The following SRGAP1 variants were observed in gnomAD, a reference collection of about 807,000 sequenced individuals.
The protein encoded by SRGAP1 is SLIT-ROBO Rho GTPase activating protein 1.
SRGAP1 carries 43 observed loss-of-function variants against 121.9 expected under a neutral mutation model. That is an observed-to-expected ratio of 0.35 (90% CI 0.28 to 0.46). The LOEUF (loss-of-function observed/expected upper bound fraction) is 0.46. SRGAP1 is among the 20% of genes least tolerant of loss of function. The pLI, the probability that SRGAP1 is intolerant of heterozygous loss-of-function variation, is 1.00. For synonymous variants in SRGAP1, 447 were observed against 485.4 expected (o/e 0.92, Z 1.04); for missense variants, 1,102 against 1,350.9 (o/e 0.82, Z 2.89).
At chr12:63,949,957 T>C (rs2032235702) in intron 1 of SRGAP1, among the ~76,000 whole-genome samples, 1 of 152,194 alleles carries the variant, frequency 6.6e-6, no homozygotes, top group African/African-American at 2.4e-5. Context: ...ATTTCATAAT[T>C]CTAGAAGAGT....
At chr12:63,857,306 C>T (rs534831987) in intron 1 of SRGAP1, among the ~76,000 whole-genome samples, 4 of 149,880 alleles carry the variant, frequency 2.7e-5, no homozygotes, top group Admixed American at 2.0e-4. Context: ...CTCGAACTCC[C>T]GACCTCAGAT....
intron 1 of SRGAP1, among the ~76,000 whole-genome samples, chr12:63,911,323 G>C (rs202059040): frequency 6.9e-6 from 1 of 145,340 alleles, no homozygotes; most frequent in African/African-American, 2.5e-5. Flanking sequence ...AAAAAGAAAA[G>C]AAAACACCTC....
At chr12:64,077,138 C>G (rs1312192673) in intron 8 of SRGAP1, among the ~76,000 whole-genome samples, 2 of 152,068 alleles carry the variant, frequency 1.3e-5, no homozygotes, top group African/African-American at 4.8e-5. Context: ...ATTTTTAAAG[C>G]AGCTGGAAAA....
chr12:64,148,864 G>A lies in SRGAP1; in HGVS notation c.*6192G>A, dbSNP rs1051308577. On this transcript the variant is annotated 3_prime_UTR_variant, in exon 22 of 22. Transcript: ENST00000355086. Reference sequence around the variant, plus strand: ...CATTATCAGCATCCCAGAAGCTACTGTGCTCATGCCTCTGTGAATGTATCA... The same window carrying A: ...CATTATCAGCATCCCAGAAGCTACTATGCTCATGCCTCTGTGAATGTATCA... The A allele has an allele frequency of 4.6e-5, 7 of 152,188 alleles. No individual in the cohort carries two copies. Among genetic ancestry groups the A allele is most frequent in the African/African-American group, 1.7e-4 (7 of 41,444 alleles). The allele number at this position is 152,188 out of a possible 1,614,324, so 9.4% of individuals were successfully genotyped here. A position where few individuals can be genotyped will look rare whatever the true frequency, so the allele number is the denominator to read the frequency against.
Position 63,844,970 on chromosome 12 carries a change from G to A in SRGAP1, c.67+87G>A. ...GTTGCGTATCTAACTTGGTGTCTGC[G>A]TGGGAGGAAGGTGGTGAGGGGACAG... On this transcript the variant is annotated intron_variant, in intron 1 of 21. Coordinates refer to ENST00000355086, the MANE Select transcript of SRGAP1 (RefSeq NM_020762.4). The surrounding 1 kb of genome is among the most constrained non-coding windows in gnomAD (Gnocchi z 4.3). 1 of 1,349,786 alleles carries A rather than the reference G, an allele frequency of 7.4e-7. No individual in the cohort carries two copies. Among genetic ancestry groups the A allele is most frequent in the East Asian group, 2.3e-5 (1 of 43,528 alleles). 83.6% of individuals were successfully genotyped at this position (1,349,786 alleles called of 1,614,324 possible). A position where few individuals can be genotyped will look rare whatever the true frequency, so the allele number is the denominator to read the frequency against.
At chr12:64,041,875 A>ATAT (rs10689107) in intron 4 of SRGAP1, among the ~76,000 whole-genome samples, 9,939 of 138,494 alleles carry the variant, frequency 0.072, 488 homozygotes, top group African/African-American at 0.13. Flanking sequence ...ATTTTCTTTT[A>ATAT]TATTATTATT....
intron 3 of SRGAP1, among the ~76,000 whole-genome samples, chr12:64,012,633 G>C (rs561219755): frequency 1.5e-5 from 2 of 130,852 alleles, no homozygotes; most frequent in African/African-American, 6.0e-5. Context: ...GCTCACTGCA[G>C]CCTCGAACTC....
At position 64,162,100 on chromosome 12, in the gene SRGAP1, T is replaced by C. The variant is rs1054272203; in HGVS notation, c.*19428T>C. 3.9e-5 allele frequency: 6 copies of C among 152,260 alleles called. No individual in the cohort carries two copies. The East Asian group carries it at 9.7e-4, about 25-fold the overall frequency. The allele number at this position is 152,260 out of a possible 1,614,324, so 9.4% of individuals were successfully genotyped here. A position where few individuals can be genotyped will look rare whatever the true frequency, so the allele number is the denominator to read the frequency against. ...AGAGAAATGACTGCTAATGGGAGTA[T>C]GGGATGTTCTTTTGGGGCTGATAAA... On this transcript the variant is annotated 3_prime_UTR_variant, in exon 22 of 22. Coordinates refer to ENST00000355086, the MANE Select transcript of SRGAP1 (RefSeq NM_020762.4).
At chr12:64,140,109 T>G (rs536500277) in intron 21 of SRGAP1, among the ~76,000 whole-genome samples, 1 of 147,152 alleles carries the variant, frequency 6.8e-6, no homozygotes, top group African/African-American at 2.6e-5. Flanking sequence ...ATATCTCTGT[T>G]TTGGTACCAG....
At chr12:63,885,047 C>A (rs1287750920) in intron 1 of SRGAP1, among the ~76,000 whole-genome samples, 1 of 152,010 alleles carries the variant, frequency 6.6e-6, no homozygotes. Context: ...TTTAAAAATC[C>A]ACTAAAGTTT....
intron 21 of SRGAP1, among the ~76,000 whole-genome samples, chr12:64,135,583 C>T (rs1202397994): frequency 6.6e-6 from 1 of 152,148 alleles, no homozygotes; most frequent in Non-Finnish European, 1.5e-5. Flanking sequence ...CCTTGCCTCT[C>T]ACGAGCGATG....
At chr12:63,946,993 C>T (rs773789579) in intron 1 of SRGAP1, among the ~76,000 whole-genome samples, 15 of 152,004 alleles carry the variant, frequency 9.9e-5, no homozygotes, top group Admixed American at 1.3e-4. Flanking sequence ...ATTGTTAACG[C>T]ATATTCCATT....
chr12:64,093,622 A>G (rs1346286471), intron 12 of SRGAP1, among the ~76,000 whole-genome samples: 3 of 152,152 alleles, frequency 2.0e-5, no homozygotes, highest in Non-Finnish European at 4.4e-5. Flanking sequence ...TCACATATTC[A>G]GTAAGTTATG....
At chr12:64,059,143 G>C (rs61931206) in intron 6 of SRGAP1, among the ~76,000 whole-genome samples, 3 of 152,058 alleles carry the variant, frequency 2.0e-5, no homozygotes, top group African/African-American at 7.2e-5. Context: ...AGGAAGCCAC[G>C]ATGAAATTAT....
intron 4 of SRGAP1, among the ~76,000 whole-genome samples, chr12:64,032,129 A>G (rs1284924177): frequency 6.6e-6 from 1 of 152,208 alleles, no homozygotes; most frequent in Admixed American, 6.5e-5. Flanking sequence ...TGAGTAAGAC[A>G]GGGTTTTATT....
At chr12:64,097,190 T>G (rs1164212070) in intron 14 of SRGAP1, 51 bp from the exon 15 acceptor site, 2 of 1,539,198 alleles carry the variant, frequency 1.3e-6, no homozygotes, top group Non-Finnish European at 1.7e-6. Context: ...ATATTTTTGT[T>G]CAGAGAAAAA....
In SRGAP1 at chr12:64,156,251, T is replaced by C. The variant is rs1195292572; in HGVS notation, c.*13579T>C. On this transcript the variant is annotated 3_prime_UTR_variant, in exon 22 of 22. Coordinates refer to ENST00000355086, the MANE Select transcript of SRGAP1 (RefSeq NM_020762.4). Reference sequence around the variant, plus strand: ...GTCTTCATCAGAATTTATTGAATCCTGATTATTTTTTCCTTAATGTTGATT... The same window carrying C: ...GTCTTCATCAGAATTTATTGAATCCCGATTATTTTTTCCTTAATGTTGATT... The C allele has an allele frequency of 6.6e-6, 1 of 152,264 alleles. No individual in the cohort carries two copies. The highest frequency in any genetic ancestry group is 1.5e-5 in the Non-Finnish European group (1 of 68,048). 9.4% of individuals were successfully genotyped at this position (152,264 alleles called of 1,614,324 possible).
intron 1 of SRGAP1, among the ~76,000 whole-genome samples, chr12:63,893,208 G>T (rs1027826432): frequency 6.6e-6 from 1 of 152,162 alleles, no homozygotes; most frequent in Non-Finnish European, 1.5e-5. Flanking sequence ...ACTAAAAACA[G>T]GTTGTCATTT....
chr12:64,092,328 T>TAAAC (rs1200153292), intron 12 of SRGAP1, among the ~76,000 whole-genome samples: 8 of 152,282 alleles, frequency 5.3e-5, no homozygotes, highest in Non-Finnish European at 7.4e-5. Context: ...GCAAACTAAG[T>TAAAC]TTATCTGAGA....
Sources: allele counts gnomAD v4.1 joint callset (sites outside exome capture counted in the v4.1 genomes callset), GRCh38; gene constraint gnomAD v4.1.1; non-coding constraint Gnocchi (gnomAD v3.1); transcripts MANE v1.5; gene names NCBI Gene and HGNC (gene_info 2026-07-23, HGNC 2026-07-21).